Variants in DYSF observed in about 807,000 individuals in gnomAD.
The protein encoded by DYSF is dystrophy-associated fer-1-like 1.
Under a neutral mutation model 274.9 loss-of-function variants are expected in DYSF, and 212 were observed. The observed-to-expected ratio is 0.77, with a 90% confidence interval of 0.69 to 0.86. DYSF has a LOEUF of 0.86. Ranked by LOEUF, DYSF falls within the 40% of genes least tolerant of loss-of-function variation. DYSF has a pLI of 0.00. For missense variants in DYSF, 2,666 were observed against 2,783.2 expected (o/e 0.96, Z 0.95); for synonymous variants, 1,091 against 1,078.7 (o/e 1.01, Z -0.22).
intron 40 of DYSF, 136 bp downstream of exon 40, chr2:71,613,546 C>T (rs2093817030): frequency 1.2e-6 from 1 of 838,540 alleles, no homozygotes; most frequent in Non-Finnish European, 2.0e-6. Context: ...CGGTTGGACA[C>T]TGTCCAGTAG....
intron 55 of DYSF, among the ~76,000 whole-genome samples, chr2:71,683,568 T>A (rs1053592740): frequency 6.6e-6 from 1 of 152,372 alleles, no homozygotes; most frequent in South Asian, 2.1e-4. Flanking sequence ...GTGGAGAGAA[T>A]GGTGTAATCC....
At chr2:71,626,427 A>G (rs1389343008) in intron 41 of DYSF, among the ~76,000 whole-genome samples, 3 of 126,378 alleles carry the variant, frequency 2.4e-5, no homozygotes, top group Non-Finnish European at 5.2e-5. Context: ...TATATAATAC[A>G]TAATTATATA....
At chr2:71,675,811 C>G (rs894679961) in intron 52 of DYSF, among the ~76,000 whole-genome samples, 1 of 151,938 alleles carries the variant, frequency 6.6e-6, no homozygotes, top group Non-Finnish European at 1.5e-5. Context: ...TTATTTGAGA[C>G]TTAAACAAAC....
intron 17 of DYSF, among the ~76,000 whole-genome samples, chr2:71,550,646 T>A (rs1481142250): frequency 6.6e-6 from 1 of 151,520 alleles, no homozygotes; most frequent in Non-Finnish European, 1.5e-5. Flanking sequence ...ATGCTGGGGG[T>A]GGGGCTGGGG....
rs138650330 is a variant in DYSF at position 71,507,291 on chromosome 2, G to A, written c.345+3972G>A. On this transcript the variant is annotated intron_variant, in intron 4 of 55. Coordinates refer to ENST00000410020, the MANE Select transcript of DYSF (RefSeq NM_001130987.2). ...CCTGTTTCCAAGGTCAGAGGCCCAA[G>A]GGCAGCCCAGGTGTGGCCCCTTCAA... 3.9e-5 allele frequency among the ~76,000 whole-genome samples: 6 copies of A among 152,324 alleles called. No individual in the cohort carries two copies. The South Asian group carries it at 1.2e-3, about 32-fold the overall frequency.
intron 32 of DYSF, among the ~76,000 whole-genome samples, chr2:71,597,902 T>C (rs2093444830): frequency 1.3e-5 from 2 of 151,894 alleles, no homozygotes; most frequent in African/African-American, 4.9e-5. Context: ...CTAGACCTCA[T>C]GCTCCCTCCA....
intron 3 of DYSF, among the ~76,000 whole-genome samples, chr2:71,498,394 G>A (rs191841209): frequency 1.3e-5 from 2 of 152,340 alleles, no homozygotes; most frequent in Non-Finnish European, 2.9e-5. Context: ...GGAAGTTGAG[G>A]CTGTCCTCTA....
At chr2:71,651,139 TAATG>T (rs1450507895) in intron 42 of DYSF, among the ~76,000 whole-genome samples, 1 of 151,278 alleles carries the variant, frequency 6.6e-6, no homozygotes, top group Admixed American at 6.6e-5. Flanking sequence ...AGAATAATGA[TAATG>T]AAAAGCCCTT....
chr2:71,575,467 G>A (rs55981504), intron 30 of DYSF, among the ~76,000 whole-genome samples: 4,979 of 152,236 alleles, frequency 0.033, 102 homozygotes, highest in Middle Eastern at 0.078. Context: ...CGGCTCTCTG[G>A]GCTATGGACT....
chr2:71,570,464 C>A (rs932713938), intron 28 of DYSF, 130 bp downstream of exon 28: 21 of 1,418,362 alleles, frequency 1.5e-5, no homozygotes, highest in Non-Finnish European at 1.7e-5. Context: ...AGGCACCCCC[C>A]ACTCCAAGCT....
chr2:71,574,718 A>G lies in DYSF; in HGVS notation c.3402+347A>G, dbSNP rs145855611. ...GGCGAGGAGGCCCATGGGAGGAGTG[A>G]GAGAGTTCTTGTGGCCCCAGAGTGT... On this transcript the variant is annotated intron_variant, in intron 30 of 55. Coordinates refer to ENST00000410020, the MANE Select transcript of DYSF (RefSeq NM_001130987.2). Among the ~76,000 whole-genome samples, 591 of 152,234 alleles carry G rather than the reference A, an allele frequency of 3.9e-3. 4 individuals are homozygous for G. Among genetic ancestry groups the G allele is most frequent in the African/African-American group, 0.014 (577 of 41,560 alleles).
intron 4 of DYSF, among the ~76,000 whole-genome samples, chr2:71,510,427 A>G (rs2085973576): frequency 6.6e-6 from 1 of 152,158 alleles, no homozygotes; most frequent in African/African-American, 2.4e-5. Flanking sequence ...CCCACAGGGC[A>G]GGTTATGTTC....
At chr2:71,523,513 T>A (rs1009564946) in intron 12 of DYSF, among the ~76,000 whole-genome samples, 63 of 151,294 alleles carry the variant, frequency 4.2e-4, no homozygotes, top group African/African-American at 1.5e-3. Context: ...TACGTTATAC[T>A]TCACCTATCC....
At chr2:71,511,946 T>C (rs1269474916) in intron 5 of DYSF, 25 bp downstream of exon 5, 4 of 1,448,572 alleles carry the variant, frequency 2.8e-6, no homozygotes, top group Non-Finnish European at 3.8e-6. Context: ...TTGGCCTGGC[T>C]GGGCCCCAGC....
intron 32 of DYSF, among the ~76,000 whole-genome samples, chr2:71,593,748 C>T (rs2093336671): frequency 6.6e-6 from 1 of 152,182 alleles, no homozygotes; most frequent in Admixed American, 6.5e-5. Context: ...ATCATAAGCT[C>T]TGCTTGTAGA....
At chr2:71,654,730 T>A (rs933279664) in intron 42 of DYSF, among the ~76,000 whole-genome samples, 133 of 152,150 alleles carry the variant, frequency 8.7e-4, no homozygotes, top group Non-Finnish European at 1.9e-4. Flanking sequence ...AAGAGTTTTA[T>A]AGAAGTATAT....
At position 71,482,521 on chromosome 2, in the gene DYSF, A is replaced by G. The variant is rs926901460; in HGVS notation, c.239+551A>G. Among the ~76,000 whole-genome samples, 13 of 151,950 alleles carry G rather than the reference A, an allele frequency of 8.6e-5. 1 individual carries two copies. The highest frequency in any genetic ancestry group is 1.9e-4 in the African/African-American group (8 of 41,362). ...TGTTGGGGTTTCTGCTGAGTTTTTC[A>G]TGTACCTAGTGGTGGGTTTCTTGGT... On this transcript the variant is annotated intron_variant, in intron 3 of 55. Coordinates refer to ENST00000410020, the MANE Select transcript of DYSF (RefSeq NM_001130987.2).
intron 40 of DYSF, 106 bp from the exon 41 acceptor site, chr2:71,620,441 A>G: frequency 8.6e-7 from 1 of 1,159,264 alleles, no homozygotes; most frequent in South Asian, 1.3e-5. Context: ...CCCTGGAGGA[A>G]GAGCAGAGGG....
intron 10 of DYSF, among the ~76,000 whole-genome samples, chr2:71,519,092 CAAAAAAAAAAA>C (rs70959240): frequency 8.4e-5 from 5 of 59,730 alleles, no homozygotes; most frequent in African/African-American, 1.9e-4. Context: ...CACTCCATCT[CAAAAAAAAAAA>C]AAAAAAAAAA....
Sources: gnomAD v4.1 joint callset for allele counts (sites outside exome capture counted in the v4.1 genomes callset) on GRCh38, gnomAD v4.1.1 for gene constraint, MANE v1.5 for transcripts, NCBI Gene and HGNC (gene_info 2026-07-23, HGNC 2026-07-21) for gene names.